The following DENND2B variants were observed in gnomAD, a reference collection of about 807,000 sequenced individuals.
DENND2B encodes the protein DENN domain containing 2B, also known as DENN domain-containing protein 2B.
In DENND2B, 32 loss-of-function variants were observed where a neutral mutation model predicts 116.0. The observed-to-expected ratio is 0.28, with a 90% CI of 0.21 to 0.37. The LOEUF (loss-of-function observed/expected upper bound fraction) is 0.37. Among genes scored for constraint, DENND2B ranks in the 10% least tolerant of loss-of-function variants. The pLI, the probability that DENND2B is intolerant of heterozygous loss-of-function variation, is 1.00. For synonymous variants in DENND2B, 588 were observed against 583.9 expected (o/e 1.01, Z -0.10); for missense variants, 1,276 against 1,477.7 (o/e 0.86, Z 2.24).
chr11:8,903,013 C>T (rs1411337636), intron 1 of DENND2B, among the ~76,000 whole-genome samples: 1 of 152,122 alleles, frequency 6.6e-6, no homozygotes, highest in African/African-American at 2.4e-5. Flanking sequence ...GCATGCGCCA[C>T]CACACCCAGC....
chr11:8,718,095 C>CACCCCCCCACCCCCCG, intron 4 of DENND2B: 1 of 286,198 alleles, frequency 3.5e-6, no homozygotes. Context: ...GAAGCAGACC[C>CACCCCCCCACCCCCCG]ACCCCCCCAC....
At chr11:8,863,829 C>G (rs1241268018) in intron 2 of DENND2B, among the ~76,000 whole-genome samples, 2 of 152,060 alleles carry the variant, frequency 1.3e-5, no homozygotes. Flanking sequence ...GATTCCCCTC[C>G]CATACAATTA....
intron 1 of DENND2B, among the ~76,000 whole-genome samples, chr11:8,900,840 G>A (rs1011971203): frequency 6.6e-6 from 1 of 152,034 alleles, no homozygotes; most frequent in African/African-American, 2.4e-5. Context: ...ATAGTGGTGG[G>A]CACCTGTAAC....
intron 1 of DENND2B, among the ~76,000 whole-genome samples, chr11:8,797,646 A>G (rs77361338): frequency 0.013 from 1,903 of 151,472 alleles, 25 homozygotes; most frequent in Middle Eastern, 0.034. Flanking sequence ...CTGGAGTGCC[A>G]TGATCATAGC....
rs987842634 is a variant in DENND2B, at chr11:8,803,474, A to C, written c.-26+7043T>G. 4.6e-5 allele frequency among the ~76,000 whole-genome samples: 7 copies of C among 152,332 alleles called. No individual in the cohort carries two copies. The East Asian group carries it at 1.4e-3, about 29-fold the overall frequency. On this transcript the variant is annotated intron_variant, in intron 1 of 19. Transcript: ENST00000313726. ...AGGAGACTGAACCCTAGAGAAGTCA[A>C]GTTACTTCCCCAAGATCACCCAGCA...
chr11:8,730,211 G>C lies in DENND2B; in HGVS notation c.1079C>G (p.Thr360Ser). 6.2e-7 allele frequency: 1 copy of C among 1,613,488 alleles called. No homozygotes were observed. The highest frequency in any genetic ancestry group is 1.1e-5 in the South Asian group (1 of 91,046). ...GCTATTTCCAGGGGTCCCGGGCTTA[G>C]TGGAACCACTGCCTTCCCTCTCTGG... is the stretch of plus-strand genomic sequence containing the variant. ...PPPEREGSGSTKPGTPGNSPS... is the reference protein window; with the variant it reads ...PPPEREGSGSSKPGTPGNSPS... The change falls in exon 3 of 20, where the codon ACT becomes AGT. Residue 360 changes from threonine to serine, a missense_variant. Around this residue, in one of 2 missense-constraint regions of DENND2B, gnomAD observed 856 missense variants for 846.6 expected, o/e 1.01. Coordinates refer to ENST00000313726, the MANE Select transcript of DENND2B (RefSeq NM_213618.2). This position sits in a 1 kb window ranked among gnomAD's most constrained non-coding sequence, Gnocchi z 4.1.
At chr11:8,887,922 T>C (rs1040137184) in intron 1 of DENND2B, among the ~76,000 whole-genome samples, 1 of 152,098 alleles carries the variant, frequency 6.6e-6, no homozygotes, top group Non-Finnish European at 1.5e-5. Context: ...AAATGGAACA[T>C]CTTAGCCTTC....
intron 16 of DENND2B, chr11:8,698,000 A>G (rs1339879850): frequency 7.1e-6 from 3 of 424,808 alleles, no homozygotes; most frequent in Non-Finnish European, 1.4e-5. Flanking sequence ...TTAGTCAAGT[A>G]TGGTGGCATG....
At chr11:8,699,159 A>G in intron 15 of DENND2B, 54 bp downstream of exon 15, 2 of 1,525,336 alleles carry the variant, frequency 1.3e-6, no homozygotes, top group Non-Finnish European at 1.8e-6. Flanking sequence ...GTAAGATCCC[A>G]GCACCTGCTT....
At chr11:8,864,425 G>A (rs74465379) in intron 2 of DENND2B, among the ~76,000 whole-genome samples, 4,820 of 152,082 alleles carry the variant, frequency 0.032, 99 homozygotes, top group African/African-American at 0.047. Flanking sequence ...GCACCGCCAC[G>A]CTCGGCTAAT....
At position 8,718,330 on chromosome 11, in the gene DENND2B, A is replaced by C. The variant is rs376734872; in HGVS notation, c.1478-438T>G. 112 of 1,523,928 alleles carry C rather than the reference A, an allele frequency of 7.3e-5. 3 individuals are homozygous for C. In the African/African-American group the frequency reaches 1.2e-3, roughly 17 times the overall value. 94.4% of individuals were successfully genotyped at this position (1,523,928 alleles called of 1,614,324 possible). A position where few individuals can be genotyped will look rare whatever the true frequency, so the allele number is the denominator to read the frequency against. ...GGTCACATGGCTGTCCCTTCACCCA[A>C]CTCTCAGGGGATCTCCCTGGGGACC... On this transcript the variant is annotated intron_variant, in intron 4 of 19. Transcript: ENST00000313726.
chr11:8,897,562 T>C (rs763260354), intron 1 of DENND2B, among the ~76,000 whole-genome samples: 2 of 151,986 alleles, frequency 1.3e-5, no homozygotes, highest in Non-Finnish European at 2.9e-5. Flanking sequence ...GTAGTTTTGG[T>C]TGGGAAAAGT....
At position 8,746,555 on chromosome 11, in the gene DENND2B, G is replaced by A. The variant is rs530446266; in HGVS notation, c.80+4066C>T. 2.0e-5 allele frequency among the ~76,000 whole-genome samples: 3 copies of A among 152,308 alleles called. No individual in the cohort carries two copies. In the East Asian group the frequency reaches 5.8e-4, roughly 29 times the overall value. ...ACTATATGATAAGTGCCATTTGGCC[G>A]TTTTGAACCAAAGATTCTGAGTGAA... On this transcript the variant is annotated intron_variant, in intron 2 of 19. Coordinates refer to ENST00000313726, the MANE Select transcript of DENND2B (RefSeq NM_213618.2).
chr11:8,863,114 G>T (rs576137359), intron 2 of DENND2B, among the ~76,000 whole-genome samples: 4 of 151,820 alleles, frequency 2.6e-5, no homozygotes, highest in Non-Finnish European at 5.9e-5. Context: ...CTGGGAGTTC[G>T]AGACCTGTCT....
intron 1 of DENND2B, among the ~76,000 whole-genome samples, chr11:8,804,443 T>C (rs1175843103): frequency 2.6e-5 from 4 of 151,748 alleles, no homozygotes; most frequent in Non-Finnish European, 5.9e-5. Flanking sequence ...CCTGTGTTAT[T>C]AGGAAATCTT....
rs1592853508 is a variant in DENND2B, at chr11:8,731,078, T to G, written c.212A>C (p.His71Pro). The stretch of plus-strand genomic sequence containing the variant: ...ATTCTGGGGTGAAGGAGCTGGGGGG[T>G]GCCGGTCCTTGAGGAGCACCCGGGA... Reference protein sequence around the residue: ...SSSRVLLKDRHPPAPSPQNPQ... With the variant: ...SSSRVLLKDRPPPAPSPQNPQ... Residue 71 changes from histidine to proline, a missense_variant, in exon 3 of 20, where the codon CAC (histidine) becomes CCC (proline). This residue lies in a region of DENND2B where 856 missense variants were observed against 846.6 expected (regional missense o/e 1.01). Transcript: ENST00000313726. 6.2e-7 allele frequency: 1 copy of G among 1,612,346 alleles called. No homozygotes were observed. Among genetic ancestry groups the G allele is most frequent in the South Asian group, 1.1e-5 (1 of 90,982 alleles).
chr11:8,859,473 A>G (rs1208237350), intron 2 of DENND2B, among the ~76,000 whole-genome samples: 1 of 151,922 alleles, frequency 6.6e-6, no homozygotes, highest in East Asian at 1.9e-4. Flanking sequence ...GCGCCCGGCT[A>G]ATTTTTTGTA....
chr11:8,695,497 C>T lies in DENND2B; in HGVS notation c.3345G>A (p.Glu1115=). ...GGAGAAACTTATTCATTCCACTCTG[C>T]TCAGTGTCTGGGAGTTCTTCTAAGT... is the stretch of plus-strand genomic sequence containing the variant. ...EQYLEELPDT[E]QSGMNKFLRG... is the part of the protein sequence containing the mutation. The change falls in exon 19 of 20, where the codon GAG becomes GAA. Residue 1115 remains glutamate, a synonymous_variant. Coordinates refer to ENST00000313726, the MANE Select transcript of DENND2B (RefSeq NM_213618.2). The T allele has an allele frequency of 1.2e-6, 2 of 1,613,992 alleles. No individual in the cohort carries two copies. The highest frequency in any genetic ancestry group is 1.7e-6 in the Non-Finnish European group (2 of 1,180,034).
At chr11:8,722,697 T>G (rs1401709596) in intron 4 of DENND2B, among the ~76,000 whole-genome samples, 1 of 152,180 alleles carries the variant, frequency 6.6e-6, no homozygotes, top group Non-Finnish European at 1.5e-5. Flanking sequence ...CAGATTGGGC[T>G]GCTATGGGGA....
Sources: allele counts gnomAD v4.1 joint callset (sites outside exome capture counted in the v4.1 genomes callset), GRCh38; gene constraint gnomAD v4.1.1; regional missense constraint gnomAD v4.1.1; non-coding constraint Gnocchi (gnomAD v3.1); transcripts MANE v1.5; gene names NCBI Gene and HGNC (gene_info 2026-07-23, HGNC 2026-07-21).